The following PLCB3 variants were observed in gnomAD, a reference collection of about 807,000 sequenced individuals.
The protein encoded by PLCB3 is phospholipase C beta 3, also known as 1-phosphatidylinositol 4,5-bisphosphate phosphodiesterase beta-3.
A neutral mutation model predicts 152.1 loss-of-function variants in PLCB3; 54 were observed. That is an observed-to-expected ratio of 0.36 (90% CI 0.29 to 0.45). The LOEUF (loss-of-function observed/expected upper bound fraction) is 0.45. PLCB3 is among the 20% of genes least tolerant of loss of function. The probability of loss-of-function intolerance (pLI) is 1.00; values close to 1 mark genes in which losing one functional copy is unlikely to be tolerated. For synonymous variants in PLCB3, 717 were observed against 698.7 expected, an observed-to-expected ratio of 1.03 and a Z score of -0.41; for missense variants, 1,248 against 1,687.5, an observed-to-expected ratio of 0.74 and a Z score of 4.56.
intron 1 of PLCB3, among the ~76,000 whole-genome samples, chr11:64,252,379 C>T (rs1224318134): frequency 6.6e-6 from 1 of 152,080 alleles, no homozygotes; most frequent in Non-Finnish European, 1.5e-5. Flanking sequence ...GGCTTGGGAC[C>T]TTGAACCCCA....
At chr11:64,252,355 C>G (rs1234228370) in intron 1 of PLCB3, among the ~76,000 whole-genome samples, 1 of 152,036 alleles carries the variant, frequency 6.6e-6, no homozygotes, top group Non-Finnish European at 1.5e-5. Flanking sequence ...GGGAACTTTG[C>G]TCCCCACTCC....
Position 64,256,671 on chromosome 11 carries a change from A to T in PLCB3, c.919A>T (p.Ile307Phe). 1 of 1,614,224 alleles carries T rather than the reference A, an allele frequency of 6.2e-7. No individual in the cohort carries two copies. The highest frequency in any genetic ancestry group is 1.3e-5 in the African/African-American group (1 of 75,072). The change falls in exon 10 of 31, where the codon ATC (isoleucine) becomes TTC (phenylalanine). Residue 307 changes from isoleucine (I) to phenylalanine (F), a missense_variant. Around this residue, in one of 6 missense-constraint regions of PLCB3, gnomAD observed 299 missense variants for 434.7 expected, o/e 0.69. Coordinates refer to ENST00000279230, the MANE Select transcript of PLCB3 (RefSeq NM_000932.5). The part of the protein sequence containing the change: ...SRYLGGEENG[I>F]LPLEALDLST... ...CTACCTGGGAGGCGAGGAGAATGGC[A>T]TCCTGCCCCTGGAAGCCCTGGATCT...
At position 64,266,441 on chromosome 11, in the gene PLCB3, G is replaced by A. The variant is rs2032127681; in HGVS notation, c.3356+37G>A. 6.2e-7 allele frequency: 1 copy of A among 1,601,824 alleles called. No homozygotes were observed. The highest frequency in any genetic ancestry group is 8.6e-7 in the Non-Finnish European group (1 of 1,169,178). On this transcript the variant is annotated intron_variant, in intron 28 of 30. Transcript: ENST00000279230. The surrounding 1 kb of genome is among the most constrained non-coding windows in gnomAD (Gnocchi z 4.9). Reference sequence around the variant, plus strand: ...GGGACCGGGGGCCATCTGGGTACTGGGGAGGCAGGGCAGGTGTCTGGGCCC... The same window carrying A: ...GGGACCGGGGGCCATCTGGGTACTGAGGAGGCAGGGCAGGTGTCTGGGCCC...
chr11:64,263,669 C>A, intron 20 of PLCB3, 22 bp from the exon 21 acceptor site: 3 of 1,609,646 alleles, frequency 1.9e-6, no homozygotes, highest in Non-Finnish European at 2.5e-6. Flanking sequence ...AGCAACCCAA[C>A]GTTGCCTTCC....
At position 64,255,199 on chromosome 11, in the gene PLCB3, C is replaced by T. The variant is rs1022725202; in HGVS notation, c.388-35C>T. On this transcript the variant is annotated intron_variant, in intron 4 of 30. Transcript: ENST00000279230. The surrounding 1 kb of genome is among the most constrained non-coding windows in gnomAD (Gnocchi z 6.8). ...GTGGCTGGGCAGCCCCTGTGTCCCC[C>T]ACTCACCGCCTCCCCGTGTATACTG... 3 of 1,570,206 alleles carry T rather than the reference C, an allele frequency of 1.9e-6. No individual in the cohort carries two copies. The African/African-American group carries it at 4.1e-5, about 21-fold the overall frequency.
In PLCB3 at chr11:64,267,055, A is replaced by G; in HGVS notation, c.3415-130A>G. 1.3e-6 allele frequency: 1 copy of G among 751,846 alleles called. No homozygotes were observed. Among genetic ancestry groups the G allele is most frequent in the Non-Finnish European group, 2.2e-6 (1 of 449,380 alleles). 46.6% of individuals were successfully genotyped at this position (751,846 alleles called of 1,614,324 possible). The stretch of plus-strand genomic sequence containing the variant: ...GTGATCCGCCCGCCTTGGCCTCCCA[A>G]AGTGCTGGGATTATAGATGTGAGCC... On this transcript the variant is annotated intron_variant, in intron 29 of 30. Transcript: ENST00000279230. This position sits in a 1 kb window ranked among gnomAD's most constrained non-coding sequence, Gnocchi z 5.2.
chr11:64,261,848 C>T, intron 16 of PLCB3, 104 bp from the exon 17 acceptor site: 1 of 1,542,410 alleles, frequency 6.5e-7, no homozygotes, highest in Non-Finnish European at 8.9e-7. Flanking sequence ...GGCTAAGAAA[C>T]AGAGGCCGGG....
intron 1 of PLCB3, 71 bp downstream of exon 1, chr11:64,251,819 A>T: frequency 1.1e-6 from 1 of 901,348 alleles, no homozygotes; most frequent in Non-Finnish European, 1.5e-6. Flanking sequence ...GACGCTGGGG[A>T]CCCCCACCCC....
Position 64,259,173 on chromosome 11 carries a change from G to A in PLCB3, c.1454G>A (p.Arg485Gln), listed in dbSNP as rs377744691. The A allele has an allele frequency of 2.0e-4, 317 of 1,600,850 alleles. No individual in the cohort carries two copies. Among genetic ancestry groups the A allele is most frequent in the Non-Finnish European group, 2.5e-4 (292 of 1,174,382 alleles). The change falls in exon 13 of 31, where the codon CGG (arginine) becomes CAG (glutamine). Residue 485 changes from arginine (R) to glutamine (Q), a missense_variant. Physicochemically the swap from Arg to Gln is conservative, Grantham distance 43. This residue lies in a region of PLCB3 where 122 missense variants were observed against 221.8 expected (regional missense o/e 0.55). Transcript: ENST00000279230. Reference sequence around the variant, plus strand: ...GGCCCAGACAGCGCCGGGCGCAAGCGGCCCCTGGAGCAGAGCAATTCTGCC... The same window carrying A: ...GGCCCAGACAGCGCCGGGCGCAAGCAGCCCCTGGAGCAGAGCAATTCTGCC... Reference protein sequence around the residue: ...AGGPDSAGRKRPLEQSNSALS... With the variant: ...AGGPDSAGRKQPLEQSNSALS...
Position 64,267,606 on chromosome 11 carries a change from G to C in PLCB3, c.*50G>C. The C allele has an allele frequency of 7.5e-7, 1 of 1,333,360 alleles. No homozygotes were observed. Among genetic ancestry groups the C allele is most frequent in the East Asian group, 2.5e-5 (1 of 40,234 alleles). The allele number at this position is 1,333,360 out of a possible 1,614,324, so 82.6% of individuals were successfully genotyped here. ...GGCCAGGGCGGGCGCTGGGTGGAGGGCAGGAGGCAATGACACTAATGCTTT... is the reference window on the plus strand; with the variant it reads ...GGCCAGGGCGGGCGCTGGGTGGAGGCCAGGAGGCAATGACACTAATGCTTT... On this transcript the variant is annotated 3_prime_UTR_variant, in exon 31 of 31. Coordinates refer to ENST00000279230, the MANE Select transcript of PLCB3 (RefSeq NM_000932.5). This position sits in a 1 kb window ranked among gnomAD's most constrained non-coding sequence, Gnocchi z 5.2.
In PLCB3 at chr11:64,258,314, T is replaced by TC. The variant is rs1237741146; in HGVS notation, c.1013-153dup. On this transcript the variant is annotated intron_variant, in intron 10 of 30. Coordinates refer to ENST00000279230, the MANE Select transcript of PLCB3 (RefSeq NM_000932.5). The surrounding 1 kb of genome is among the most constrained non-coding windows in gnomAD (Gnocchi z 7.2). ...AGCTATAGTGAGTCTCAGGGATGAC[T>TC]CCCCCCAGCTCACGCTGGTGGGATG... Among the ~76,000 whole-genome samples, 2 of 151,762 alleles carry TC rather than the reference T, an allele frequency of 1.3e-5. No homozygotes were observed. The highest frequency in any genetic ancestry group is 2.9e-5 in the Non-Finnish European group (2 of 67,904).
rs201800428 is a variant in PLCB3 at position 64,262,492 on chromosome 11, G to A, written c.2124G>A (p.Pro708=). Reference sequence around the variant, plus strand: ...TCAAGCCGGAGTTCATGCGGCGGCCGGACAAGTCCTTCGACCCCTTCACTG... The same window carrying A: ...TCAAGCCGGAGTTCATGCGGCGGCCAGACAAGTCCTTCGACCCCTTCACTG... ...YLLKPEFMRR[P]DKSFDPFTEV... The change falls in exon 18 of 31, where the codon CCG becomes CCA. Residue 708 remains proline, a synonymous_variant. Transcript: ENST00000279230. 30 of 1,613,864 alleles carry A rather than the reference G, an allele frequency of 1.9e-5. No individual in the cohort carries two copies. Among genetic ancestry groups the A allele is most frequent in the African/African-American group, 4.0e-5 (3 of 74,948 alleles).
chr11:64,254,088 A>T (rs2031381676), intron 1 of PLCB3, among the ~76,000 whole-genome samples: 1 of 152,158 alleles, frequency 6.6e-6, no homozygotes. Context: ...GGGGTGGGTC[A>T]GATTTCACGG....
chr11:64,266,681 G>A lies in PLCB3; in HGVS notation c.3414+129G>A, dbSNP rs778746596. ...TAGGGCCTTTCTCAAGTGCCCAACA[G>A]CCCCAGGGTACCCACATCATACCCA... is the stretch of plus-strand genomic sequence containing the variant. On this transcript the variant is annotated intron_variant, in intron 29 of 30. Coordinates refer to ENST00000279230, the MANE Select transcript of PLCB3 (RefSeq NM_000932.5). The surrounding 1 kb of genome is among the most constrained non-coding windows in gnomAD (Gnocchi z 4.9). 9.8e-5 allele frequency: 84 copies of A among 855,392 alleles called. 1 individual carries two copies. Among genetic ancestry groups the A allele is most frequent in the Non-Finnish European group, 1.6e-4 (82 of 522,610 alleles). 53.0% of individuals were successfully genotyped at this position (855,392 alleles called of 1,614,324 possible). A position where few individuals can be genotyped will look rare whatever the true frequency, so the allele number is the denominator to read the frequency against.
Position 64,260,165 on chromosome 11 carries a change from C to T in PLCB3, c.1662C>T (p.Asp554=). 6.2e-7 allele frequency: 1 copy of T among 1,608,264 alleles called. No homozygotes were observed. Among genetic ancestry groups the T allele is most frequent in the South Asian group, 1.1e-5 (1 of 90,094 alleles). ...GCCCCTATGTTCTTGGACCTGCTGA[C>T]CGTGAGGATGAGGAGGAAGATGAGG... The part of the protein sequence containing the change: ...NRGPYVLGPA[D]REDEEEDEEE... The change falls in exon 14 of 31, where the codon GAC becomes GAT. Residue 554 remains aspartate (D), a synonymous_variant. Transcript: ENST00000279230.
rs897561513 is a variant in PLCB3 at position 64,251,655 on chromosome 11, G to C, written c.6G>C (p.Ala2=). The change falls in exon 1 of 31, where the codon GCG becomes GCC. Residue 2 remains alanine, a synonymous_variant. Transcript: ENST00000279230. ...GACCCGCCCCTGGCCGGGCCATGGC[G>C]GGCGCCCAGCCCGGCGTCCACGCGC... M[A]GAQPGVHALQ... is the part of the protein sequence containing the mutation. 1.4e-5 allele frequency: 21 copies of C among 1,462,958 alleles called. No individual in the cohort carries two copies. Among genetic ancestry groups the C allele is most frequent in the Middle Eastern group, 2.3e-4 (1 of 4,422 alleles). The allele number at this position is 1,462,958 out of a possible 1,614,324, so 90.6% of individuals were successfully genotyped here.
intron 14 of PLCB3, among the ~76,000 whole-genome samples, chr11:64,260,445 G>A (rs749903689): frequency 5.3e-5 from 8 of 152,108 alleles, no homozygotes; most frequent in Non-Finnish European, 8.8e-5. Context: ...GCGAGTTAGG[G>A]TACAGAACTG....
chr11:64,255,634 A>ACG lies in PLCB3; in HGVS notation c.597+18_597+19insCG. The ACG allele has an allele frequency of 1.3e-4, 78 of 582,882 alleles. No individual in the cohort carries two copies. The highest frequency in any genetic ancestry group is 2.2e-4 in the Non-Finnish European group (70 of 325,236). 36.1% of individuals were successfully genotyped at this position (582,882 alleles called of 1,614,324 possible). A position where few individuals can be genotyped will look rare whatever the true frequency, so the allele number is the denominator to read the frequency against. On this transcript the variant is annotated intron_variant, in intron 7 of 30. Coordinates refer to ENST00000279230, the MANE Select transcript of PLCB3 (RefSeq NM_000932.5). The surrounding 1 kb of genome is among the most constrained non-coding windows in gnomAD (Gnocchi z 6.8). ...TCAACCGGGTGTGTGGGGTGGGGAC[A>ACG]GGGGCGGGGTGGGGTGTCACGGTGG...
In PLCB3 at chr11:64,262,398, G is replaced by T. The variant is rs544790050; in HGVS notation, c.2039-9G>T. ...CCTGCCCCTGCTCGACGTGCCCGTG[G>T]CACCCCAGATGTGGCGATGCAGCTC... On this transcript the variant is annotated splice_polypyrimidine_tract_variant and intron_variant, in intron 17 of 30. Transcript: ENST00000279230. 7 of 1,608,992 alleles carry T rather than the reference G, an allele frequency of 4.4e-6. No homozygotes were observed. The Admixed American group carries it at 6.7e-5, about 15-fold the overall frequency.
Sources: gnomAD v4.1 joint callset for allele counts (sites outside exome capture counted in the v4.1 genomes callset) on GRCh38, gnomAD v4.1.1 for gene constraint, gnomAD v4.1.1 regional missense constraint, Gnocchi (gnomAD v3.1) non-coding constraint, MANE v1.5 for transcripts, NCBI Gene and HGNC (gene_info 2026-07-23, HGNC 2026-07-21) for gene names.